The following PTPRG variants were observed in gnomAD, a reference collection of about 807,000 sequenced individuals.
PTPRG encodes the protein protein tyrosine phosphatase receptor type G, also known as receptor-type tyrosine-protein phosphatase gamma.
In PTPRG, 102 loss-of-function variants were observed where a neutral mutation model predicts 165.3. That is an observed-to-expected ratio of 0.62 (90% CI 0.53 to 0.73). The LOEUF is 0.73. PTPRG is among the 30% of genes least tolerant of loss of function. The pLI, the probability that PTPRG is intolerant of heterozygous loss-of-function variation, is 0.00. For missense variants in PTPRG, 1,866 were observed against 1,861.4 expected (o/e 1.00, Z -0.05); for synonymous variants, 675 against 669.5 (o/e 1.01, Z -0.13).
chr3:62,091,629 A>G (rs534977086), intron 5 of PTPRG, among the ~76,000 whole-genome samples: 4 of 152,154 alleles, frequency 2.6e-5, no homozygotes, highest in Non-Finnish European at 5.9e-5. Context: ...GGCCCTATGT[A>G]TGCTGGAAAT....
chr3:61,706,887 C>T (rs1225330129), intron 1 of PTPRG, among the ~76,000 whole-genome samples: 1 of 152,110 alleles, frequency 6.6e-6, no homozygotes, highest in Admixed American at 6.5e-5. Flanking sequence ...TTAACCTACC[C>T]CTCCTAGTTC....
intron 6 of PTPRG, among the ~76,000 whole-genome samples, chr3:62,134,905 G>A (rs1292904314): frequency 6.6e-6 from 1 of 152,152 alleles, no homozygotes; most frequent in Admixed American, 6.5e-5. Flanking sequence ...CCTTGATTGA[G>A]AAGAAAAAGG....
chr3:61,655,730 C>G (rs1346944119), intron 1 of PTPRG, among the ~76,000 whole-genome samples: 3 of 152,148 alleles, frequency 2.0e-5, no homozygotes, highest in African/African-American at 7.2e-5. Context: ...CTCAGCCTTC[C>G]CTGTAGCCAG....
chr3:61,676,792 C>T (rs1703248935), intron 1 of PTPRG, among the ~76,000 whole-genome samples: 1 of 152,034 alleles, frequency 6.6e-6, no homozygotes, highest in Non-Finnish European at 1.5e-5. Flanking sequence ...ATAGTTGGAG[C>T]CAGATAGGAT....
intron 1 of PTPRG, among the ~76,000 whole-genome samples, chr3:61,658,770 A>T (rs1255520566): frequency 6.6e-6 from 1 of 152,196 alleles, no homozygotes; most frequent in Non-Finnish European, 1.5e-5. Context: ...TGAGTTTGCT[A>T]GACACTCATG....
chr3:62,182,554 C>T (rs1250527896), intron 8 of PTPRG, among the ~76,000 whole-genome samples: 1 of 152,200 alleles, frequency 6.6e-6, no homozygotes, highest in African/African-American at 2.4e-5. Flanking sequence ...CTGTCATCTC[C>T]AGGGGGTCAG....
intron 5 of PTPRG, among the ~76,000 whole-genome samples, chr3:62,094,836 C>G (rs959003754): frequency 1.3e-5 from 2 of 152,176 alleles, no homozygotes; most frequent in African/African-American, 4.8e-5. Context: ...TTTAGAAGCC[C>G]AGAAGCAGTT....
intron 2 of PTPRG, among the ~76,000 whole-genome samples, chr3:61,933,104 G>C (rs1447359436): frequency 2.0e-5 from 3 of 152,134 alleles, no homozygotes; most frequent in Non-Finnish European, 4.4e-5. Context: ...ATGTCTGTTG[G>C]AGTTCCTCAG....
chr3:62,204,206 A>T (rs1241586084), intron 12 of PTPRG, among the ~76,000 whole-genome samples: 1 of 152,148 alleles, frequency 6.6e-6, no homozygotes, highest in East Asian at 1.9e-4. Context: ...AACTCCAGGG[A>T]CTTCAACCAG....
chr3:61,755,817 C>G (rs2033616798), intron 2 of PTPRG, among the ~76,000 whole-genome samples: 1 of 152,156 alleles, frequency 6.6e-6, no homozygotes, highest in South Asian at 2.1e-4. Flanking sequence ...TGATATTATT[C>G]TACTAGTGAC....
At chr3:62,054,936 A>G (rs1169010726) in intron 4 of PTPRG, among the ~76,000 whole-genome samples, 4 of 152,230 alleles carry the variant, frequency 2.6e-5, no homozygotes, top group African/African-American at 9.6e-5. Flanking sequence ...CCATGTTTCC[A>G]TGGGGAAATG....
intron 2 of PTPRG, among the ~76,000 whole-genome samples, chr3:61,941,101 G>A (rs2039615982): frequency 6.6e-6 from 1 of 152,182 alleles, no homozygotes; most frequent in Non-Finnish European, 1.5e-5. Context: ...TGTATTAAAT[G>A]GAAAGAATAC....
chr3:62,121,445 A>G (rs1367615227), intron 5 of PTPRG, among the ~76,000 whole-genome samples: 1 of 152,186 alleles, frequency 6.6e-6, no homozygotes, highest in Non-Finnish European at 1.5e-5. Flanking sequence ...TCACTTTCCC[A>G]TGACTATACA....
In PTPRG at chr3:62,123,762, A is replaced by G. The variant is rs1703171281; in HGVS notation, c.616-8840A>G. Among the ~76,000 whole-genome samples, 6 of 152,172 alleles carry G rather than the reference A, an allele frequency of 3.9e-5. No homozygotes were observed. The South Asian group carries it at 1.0e-3, about 26-fold the overall frequency. On this transcript the variant is annotated intron_variant, in intron 5 of 29. Coordinates refer to ENST00000474889, the MANE Select transcript of PTPRG (RefSeq NM_002841.4). ...TAAATAGATATATTTATATATAAAT[A>G]TATACACGGCATTCAGTAGGCTTGT...
intron 4 of PTPRG, among the ~76,000 whole-genome samples, chr3:62,069,292 T>C (rs185738012): frequency 1.3e-5 from 2 of 152,254 alleles, no homozygotes; most frequent in African/African-American, 2.4e-5. Context: ...GCCTTAGAAA[T>C]CTCCAGGCTC....
intron 2 of PTPRG, chr3:61,749,200 A>G (rs2033335477): frequency 6.2e-6 from 4 of 646,052 alleles, no homozygotes; most frequent in Admixed American, 2.1e-5. Context: ...TTTCCCCTCA[A>G]TTTGCGTTTA....
intron 2 of PTPRG, among the ~76,000 whole-genome samples, chr3:61,892,968 A>G (rs551392421): frequency 1.3e-5 from 2 of 152,214 alleles, no homozygotes; most frequent in Non-Finnish European, 2.9e-5. Flanking sequence ...AGTAGATACA[A>G]TACAGCATAA....
intron 2 of PTPRG, among the ~76,000 whole-genome samples, chr3:61,920,390 A>T (rs1159795872): frequency 6.6e-6 from 1 of 151,948 alleles, no homozygotes; most frequent in African/African-American, 2.4e-5. Flanking sequence ...GATTTTTTTT[A>T]AGACTTTTTT....
chr3:62,185,811 G>A (rs1194989128), intron 8 of PTPRG, among the ~76,000 whole-genome samples: 3 of 152,106 alleles, frequency 2.0e-5, no homozygotes, highest in South Asian at 2.1e-4. Flanking sequence ...GTGTTCCCTC[G>A]TAATCCTCAC....
Sources: allele counts gnomAD v4.1 joint callset (sites outside exome capture counted in the v4.1 genomes callset), GRCh38; gene constraint gnomAD v4.1.1; transcripts MANE v1.5; gene names NCBI Gene and HGNC (gene_info 2026-07-23, HGNC 2026-07-21).